Variants in SPECC1 observed in about 807,000 individuals in gnomAD.
SPECC1 encodes sperm antigen with calponin homology and coiled-coil domains 1, also known as cytospin-B.
SPECC1 carries 62 observed loss-of-function variants against 104.1 expected under a neutral mutation model. The observed-to-expected ratio is 0.60, with a 90% confidence interval of 0.49 to 0.74. SPECC1 has a LOEUF of 0.74. Ranked by LOEUF, SPECC1 falls within the 30% of genes least tolerant of loss-of-function variation. The pLI is 0.00. For missense variants in SPECC1, 1,306 were observed against 1,310.5 expected (o/e 1.00, Z 0.05); for synonymous variants, 513 against 501.6 (o/e 1.02, Z -0.30).
intron 14 of SPECC1, among the ~76,000 whole-genome samples, chr17:20,306,653 C>T (rs968334374): frequency 3.9e-5 from 6 of 152,176 alleles, no homozygotes; most frequent in African/African-American, 9.7e-5. Context: ...TGTGTGCGCA[C>T]GTGCGCGCAG....
rs903758974 is a variant in SPECC1 at position 20,205,052 on chromosome 17, A to G, written c.1003A>G (p.Thr335Ala). Reference protein sequence around the residue: ...SPDASDFEHITAETPSRPLSS... With the variant: ...SPDASDFEHIAAETPSRPLSS... ...AGATGCTTCCGACTTTGAGCACATT[A>G]CAGCAGAGACACCCTCAAGGCCCCT... The change falls in exon 4 of 15, where the codon ACA (threonine) becomes GCA (alanine). Residue 335 changes from threonine to alanine, a missense_variant. Thr to Ala is a moderately conservative substitution (Grantham distance 58). This residue lies in a region of SPECC1 where 1,177 missense variants were observed against 1,139.9 expected (regional missense o/e 1.03). Coordinates refer to ENST00000395527, the MANE Select transcript of SPECC1 (RefSeq NM_001243439.2). 7 of 1,614,230 alleles carry G rather than the reference A, an allele frequency of 4.3e-6. No homozygotes were observed. The highest frequency in any genetic ancestry group is 1.6e-4 in the Middle Eastern group (1 of 6,062).
At chr17:20,154,498 G>GGA (rs2032284206) in intron 3 of SPECC1, among the ~76,000 whole-genome samples, 1 of 152,200 alleles carries the variant, frequency 6.6e-6, no homozygotes, top group Admixed American at 6.5e-5. Context: ...GGAACAGTGA[G>GGA]GAGGCCGGTG....
chr17:20,026,181 CT>C (rs923539726), intron 1 of SPECC1, among the ~76,000 whole-genome samples: 5 of 151,072 alleles, frequency 3.3e-5, no homozygotes, highest in Admixed American at 2.6e-4. Context: ...TCTTAATTTT[CT>C]TTTTTTTCCT....
At chr17:20,233,992 T>C (rs1319982604) in intron 7 of SPECC1, among the ~76,000 whole-genome samples, 1 of 152,232 alleles carries the variant, frequency 6.6e-6, no homozygotes, top group Admixed American at 6.5e-5. Context: ...TTCTTACGTA[T>C]ACTCTGAGAC....
intron 1 of SPECC1, among the ~76,000 whole-genome samples, chr17:20,062,395 C>T (rs2046218851): frequency 6.6e-6 from 1 of 152,096 alleles, no homozygotes; most frequent in Admixed American, 6.5e-5. Context: ...CAGGTTCTCC[C>T]TCTTTCATCC....
At chr17:20,148,741 C>T (rs1053073575) in intron 3 of SPECC1, among the ~76,000 whole-genome samples, 7 of 150,470 alleles carry the variant, frequency 4.7e-5, no homozygotes, top group South Asian at 2.1e-4. Flanking sequence ...TTTTTTGAGA[C>T]AGAGTTTTGC....
chr17:20,116,178 C>T (rs1301414626), intron 3 of SPECC1, among the ~76,000 whole-genome samples: 2 of 152,080 alleles, frequency 1.3e-5, no homozygotes, highest in East Asian at 3.9e-4. Flanking sequence ...AGCTCCGCCT[C>T]CCAGTTTCAC....
intron 12 of SPECC1, among the ~76,000 whole-genome samples, chr17:20,267,429 T>A (rs375389312): frequency 5.3e-5 from 8 of 152,198 alleles, no homozygotes; most frequent in African/African-American, 1.9e-4. Context: ...GGAGGGTAGG[T>A]GTGACAGGAA....
chr17:20,050,262 C>A (rs1035236172), intron 1 of SPECC1, among the ~76,000 whole-genome samples: 5 of 152,102 alleles, frequency 3.3e-5, no homozygotes, highest in Admixed American at 6.5e-5. Flanking sequence ...TCAGTTACTC[C>A]TGGTGTTAGG....
chr17:20,137,450 C>T (rs985970732), intron 3 of SPECC1, among the ~76,000 whole-genome samples: 1 of 152,136 alleles, frequency 6.6e-6, no homozygotes, highest in Non-Finnish European at 1.5e-5. Context: ...GAACTAAGAG[C>T]AGAAACTGAA....
chr17:20,043,833 C>A lies in SPECC1; in HGVS notation c.-22+34409C>A, dbSNP rs184354962. 4.6e-5 allele frequency among the ~76,000 whole-genome samples: 7 copies of A among 152,230 alleles called. No individual in the cohort carries two copies. The East Asian group carries it at 1.2e-3, about 25-fold the overall frequency. On this transcript the variant is annotated intron_variant, in intron 1 of 14. Coordinates refer to ENST00000395527, the MANE Select transcript of SPECC1 (RefSeq NM_001243439.2). ...AAAGTATTGAATTATAGTAGTTACTCGTAGTCACAACTGCTACTGTATTCT... is the reference window on the plus strand; with the variant it reads ...AAAGTATTGAATTATAGTAGTTACTAGTAGTCACAACTGCTACTGTATTCT...
At chr17:20,304,634 C>T (rs376948418) in intron 13 of SPECC1, among the ~76,000 whole-genome samples, 102 of 152,200 alleles carry the variant, frequency 6.7e-4, no homozygotes, top group South Asian at 2.3e-3. Flanking sequence ...TTTCATACAT[C>T]CAGAAAATGT....
intron 3 of SPECC1, among the ~76,000 whole-genome samples, chr17:20,195,064 G>T (rs2035940235): frequency 6.6e-6 from 1 of 152,168 alleles, no homozygotes. Context: ...TATTGGTTCA[G>T]TGAATTTAGG....
At chr17:20,237,105 C>T in intron 7 of SPECC1, 1 of 1,396,566 alleles carries the variant, frequency 7.2e-7, no homozygotes, top group Non-Finnish European at 9.3e-7. Flanking sequence ...ATGATGTTTC[C>T]CTCTTTTTAC....
intron 3 of SPECC1, among the ~76,000 whole-genome samples, chr17:20,126,725 G>T (rs1012428149): frequency 3.9e-5 from 6 of 152,180 alleles, no homozygotes; most frequent in Non-Finnish European, 8.8e-5. Flanking sequence ...TTAAATGCTA[G>T]TGACATCTTG....
At chr17:20,057,867 G>C (rs2046027920) in intron 1 of SPECC1, 1 of 152,054 alleles carries the variant, frequency 6.6e-6, no homozygotes, top group Admixed American at 6.6e-5. Context: ...TCTGGAAAAT[G>C]TTTCTTTATA....
At chr17:20,076,859 C>A (rs1597656370) in intron 1 of SPECC1, among the ~76,000 whole-genome samples, 1 of 151,004 alleles carries the variant, frequency 6.6e-6, no homozygotes, top group Non-Finnish European at 1.5e-5. Flanking sequence ...AAAAACAGAA[C>A]CAGCCGACAG....
At position 20,151,861 on chromosome 17, in the gene SPECC1, C is replaced by T. The variant is rs191560065; in HGVS notation, c.283+41299C>T. Among the ~76,000 whole-genome samples, 3 of 152,132 alleles carry T rather than the reference C, an allele frequency of 2.0e-5. No homozygotes were observed. In the East Asian group the frequency reaches 5.8e-4, roughly 29 times the overall value. Reference sequence around the variant, plus strand: ...GTCAGGAGTTCGAGACCAGCCTGACCAACATGGTGAAACCCTGTCTCTACT... The same window carrying T: ...GTCAGGAGTTCGAGACCAGCCTGACTAACATGGTGAAACCCTGTCTCTACT... On this transcript the variant is annotated intron_variant, in intron 3 of 14. Transcript: ENST00000395527.
chr17:20,210,242 G>A (rs899091205), intron 4 of SPECC1, among the ~76,000 whole-genome samples: 3 of 152,250 alleles, frequency 2.0e-5, no homozygotes, highest in Non-Finnish European at 2.9e-5. Flanking sequence ...GGTTGGAAGT[G>A]TATCCAGGTG....
Sources: allele counts gnomAD v4.1 joint callset (sites outside exome capture counted in the v4.1 genomes callset), GRCh38; gene constraint gnomAD v4.1.1; regional missense constraint gnomAD v4.1.1; transcripts MANE v1.5; gene names NCBI Gene and HGNC (gene_info 2026-07-23, HGNC 2026-07-21).